Variants in EIF2AK4 observed in about 807,000 individuals in gnomAD.
EIF2AK4 encodes the protein eukaryotic translation initiation factor 2 alpha kinase 4.
In EIF2AK4, 139 loss-of-function variants were observed where a neutral mutation model predicts 211.1. The ratio of observed to expected loss-of-function variants is 0.66; its 90% CI spans 0.57 to 0.76. The LOEUF (loss-of-function observed/expected upper bound fraction) is 0.76, where lower values mean the gene tolerates loss of function less well. EIF2AK4 is among the 30% of genes least tolerant of loss of function. EIF2AK4 has a pLI of 0.00. For missense variants in EIF2AK4, 1,664 were observed against 2,043.8 expected (o/e 0.81, Z 3.58); for synonymous variants, 710 against 751.3 (o/e 0.94, Z 0.90).
chr15:39,978,173 C>G (rs1455306775), intron 13 of EIF2AK4, 26 bp downstream of exon 13: 12 of 1,325,454 alleles, frequency 9.1e-6, no homozygotes, highest in Middle Eastern at 2.5e-4. Context: ...GAAATTATAT[C>G]ATTTTATTCG....
At chr15:40,018,099 T>C (rs1347200946) in intron 29 of EIF2AK4, among the ~76,000 whole-genome samples, 1 of 152,158 alleles carries the variant, frequency 6.6e-6, no homozygotes, top group Non-Finnish European at 1.5e-5. Context: ...TAAATATTTC[T>C]TCTAATACAT....
At chr15:39,934,573 C>T (rs906215712) in intron 1 of EIF2AK4, among the ~76,000 whole-genome samples, 1 of 152,210 alleles carries the variant, frequency 6.6e-6, no homozygotes, top group Non-Finnish European at 1.5e-5. Flanking sequence ...AGGAATCCCC[C>T]TGGATTCCTC....
intron 4 of EIF2AK4, 23 bp from the exon 5 acceptor site, chr15:39,953,881 G>T (rs1044937062): frequency 6.2e-7 from 1 of 1,607,712 alleles, no homozygotes; most frequent in Non-Finnish European, 8.5e-7. Flanking sequence ...ATTGGCATTT[G>T]ATGATGGTTT....
At chr15:39,987,832 G>A (rs1341759432) in intron 14 of EIF2AK4, 151 bp from the exon 15 acceptor site, 3 of 746,752 alleles carry the variant, frequency 4.0e-6, no homozygotes, top group East Asian at 2.7e-5. Flanking sequence ...AATACTGTTG[G>A]TTTCTTTTTC....
intron 3 of EIF2AK4, among the ~76,000 whole-genome samples, chr15:39,944,634 C>T (rs509966): frequency 0.014 from 2,083 of 152,130 alleles, 46 homozygotes; most frequent in African/African-American, 0.048. Flanking sequence ...GGGGTTTCAC[C>T]GTGTTAGCCA....
At chr15:39,943,614 T>G (rs1417412201) in intron 3 of EIF2AK4, 129 bp downstream of exon 3, 2 of 710,160 alleles carry the variant, frequency 2.8e-6, no homozygotes, top group East Asian at 6.1e-5. Flanking sequence ...TTTTATTTAT[T>G]TAATAGGATT....
At chr15:39,949,389 G>A in intron 4 of EIF2AK4, 121 bp downstream of exon 4, 1 of 1,405,824 alleles carries the variant, frequency 7.1e-7, no homozygotes, top group African/African-American at 1.4e-5. Flanking sequence ...TTTGATTCAA[G>A]AAAGGTAGAC....
At chr15:40,002,600 T>G in intron 21 of EIF2AK4, 113 bp from the exon 22 acceptor site, 2 of 1,127,788 alleles carry the variant, frequency 1.8e-6, no homozygotes, top group Non-Finnish European at 2.7e-6. Context: ...CAAGACTTGT[T>G]TTTTGAACCT....
chr15:40,018,939 T>C (rs1290670812), intron 29 of EIF2AK4, among the ~76,000 whole-genome samples, 154 bp from the exon 30 acceptor site: 1 of 152,382 alleles, frequency 6.6e-6, no homozygotes, highest in Admixed American at 6.5e-5. Context: ...GCATGTGTGC[T>C]TGCTTCTCTA....
At position 40,001,316 on chromosome 15, in the gene EIF2AK4, A is replaced by G. The variant is rs188045940; in HGVS notation, c.3159+92A>G. On this transcript the variant is annotated intron_variant, in intron 21 of 38. Coordinates refer to ENST00000263791, the MANE Select transcript of EIF2AK4 (RefSeq NM_001013703.4). ...CACAGATTCTTTTAATGCCTCTAAC[A>G]TAAGTTCTTATGTGAGGTATTGGAA... 1.2e-3 allele frequency: 1,511 copies of G among 1,270,572 alleles called. 3 individuals carry two copies. The highest frequency in any genetic ancestry group is 1.4e-3 in the Non-Finnish European group (1,280 of 900,214). The allele number at this position is 1,270,572 out of a possible 1,614,324, so 78.7% of individuals were successfully genotyped here.
intron 4 of EIF2AK4, 85 bp from the exon 5 acceptor site, chr15:39,953,819 T>G: frequency 7.4e-7 from 1 of 1,357,872 alleles, no homozygotes; most frequent in Non-Finnish European, 1.0e-6. Flanking sequence ...TTATTGAAAG[T>G]TAAAAGATTT....
Position 39,978,067 on chromosome 15 carries a change from C to T in EIF2AK4, c.2250-11C>T. ...TTCTGTTCCTTTAGTATTTCTGTTT[C>T]CCTTTTTCAGGCCTGCTTCAGATTC... On this transcript the variant is annotated splice_polypyrimidine_tract_variant and intron_variant, in intron 12 of 38. Coordinates refer to ENST00000263791, the MANE Select transcript of EIF2AK4 (RefSeq NM_001013703.4). 1 of 1,587,752 alleles carries T rather than the reference C, an allele frequency of 6.3e-7. No individual in the cohort carries two copies. The highest frequency in any genetic ancestry group is 8.6e-7 in the Non-Finnish European group (1 of 1,162,438).
chr15:39,936,593 A>G (rs1336273308), intron 1 of EIF2AK4, among the ~76,000 whole-genome samples: 1 of 152,046 alleles, frequency 6.6e-6, no homozygotes, highest in East Asian at 1.9e-4. Context: ...TTGTATTTTT[A>G]GTAGAGATGG....
intron 30 of EIF2AK4, among the ~76,000 whole-genome samples, chr15:40,020,159 C>G (rs920053698): frequency 1.7e-5 from 2 of 117,072 alleles, no homozygotes; most frequent in Non-Finnish European, 3.5e-5. Flanking sequence ...CAGAGCCAGA[C>G]CCTGTCAAAA....
Position 39,943,578 on chromosome 15 carries a change from G to A in EIF2AK4, c.360+93G>A, listed in dbSNP as rs867100879. 6.0e-6 allele frequency: 6 copies of A among 993,410 alleles called. 1 individual carries two copies. In the Middle Eastern group the frequency reaches 1.6e-3, roughly 266 times the overall value. 61.5% of individuals were successfully genotyped at this position (993,410 alleles called of 1,614,324 possible). On this transcript the variant is annotated intron_variant, in intron 3 of 38. Transcript: ENST00000263791. ...TGAGTAGCATGTTTTGTGTTTTATT[G>A]GTTCTACAAAAGGGAACATTGTGAT...
rs187136170 is a variant in EIF2AK4, at chr15:40,034,073, T to C, written c.4774-253T>C. Among the ~76,000 whole-genome samples the C allele has an allele frequency of 4.1e-4, 62 of 150,110 alleles. 1 individual carries two copies. The East Asian group carries it at 0.01, about 25-fold the overall frequency. ...GTAAACGGTAGGCAGAAATAACTGC[T>C]CTAAAGTCACATCAGCACACTAGGG... On this transcript the variant is annotated intron_variant, in intron 37 of 38. Transcript: ENST00000263791.
At chr15:40,007,737 A>G (rs2035180691) in intron 24 of EIF2AK4, among the ~76,000 whole-genome samples, 1 of 152,210 alleles carries the variant, frequency 6.6e-6, no homozygotes, top group Non-Finnish European at 1.5e-5. Flanking sequence ...TGGTGTGGGT[A>G]TCCCTGTGTA....
rs780063379 is a variant in EIF2AK4, at chr15:39,973,697, A to G, written c.1766A>G (p.Glu589Gly). Residue 589 changes from glutamate to glycine, a missense_variant, in exon 11 of 39, where the codon GAG (glutamate) becomes GGG (glycine). By Grantham distance (98) the Glu-to-Gly change is moderately conservative (BLOSUM62 -2). This residue lies in a region of EIF2AK4 where 641 missense variants were observed against 729.6 expected (regional missense o/e 0.88). Coordinates refer to ENST00000263791, the MANE Select transcript of EIF2AK4 (RefSeq NM_001013703.4). Reference sequence around the variant, plus strand: ...AGACAGTTTTCCCGATACTTCATTGAGTTTGAAGAATTACAACTTCTTGGT... The same window carrying G: ...AGACAGTTTTCCCGATACTTCATTGGGTTTGAAGAATTACAACTTCTTGGT... ...TQRQFSRYFI[E>G]FEELQLLGKG... The G allele has an allele frequency of 3.1e-6, 5 of 1,614,046 alleles. No homozygotes were observed. The highest frequency in any genetic ancestry group is 4.2e-6 in the Non-Finnish European group (5 of 1,179,984).
At chr15:40,001,454 G>A (rs1177212874) in intron 21 of EIF2AK4, among the ~76,000 whole-genome samples, 1 of 151,860 alleles carries the variant, frequency 6.6e-6, no homozygotes, top group African/African-American at 2.4e-5. Flanking sequence ...ACCCACCCAA[G>A]AGATTAAGAA....
Sources: allele counts gnomAD v4.1 joint callset (sites outside exome capture counted in the v4.1 genomes callset), GRCh38; gene constraint gnomAD v4.1.1; regional missense constraint gnomAD v4.1.1; transcripts MANE v1.5; gene names NCBI Gene and HGNC (gene_info 2026-07-23, HGNC 2026-07-21).